Variants in PPP2R2B observed in about 807,000 individuals in gnomAD.
PPP2R2B encodes protein phosphatase 2 regulatory subunit Bbeta.
In PPP2R2B, 5 loss-of-function variants were observed where a neutral mutation model predicts 46.0. The observed-to-expected ratio is 0.11, with a 90% CI of 0.06 to 0.23. The LOEUF is 0.23. Among genes scored for constraint, PPP2R2B ranks in the 10% least tolerant of loss-of-function variants. The pLI is 1.00. For missense variants in PPP2R2B, 367 were observed against 575.0 expected, an observed-to-expected ratio of 0.64 and a Z score of 3.70; for synonymous variants, 215 against 206.7, an observed-to-expected ratio of 1.04 and a Z score of -0.34.
At chr5:146,930,956 C>T (rs1427220374) in intron 1 of PPP2R2B, among the ~76,000 whole-genome samples, 2 of 152,104 alleles carry the variant, frequency 1.3e-5, no homozygotes, top group African/African-American at 4.8e-5. Context: ...TAATTGCTCA[C>T]CATATTATAA....
intron 1 of PPP2R2B, among the ~76,000 whole-genome samples, chr5:146,896,413 A>T (rs1462613235): frequency 6.6e-6 from 1 of 152,018 alleles, no homozygotes; most frequent in African/African-American, 2.4e-5. Context: ...CTGTTACTTG[A>T]CTCTACTCAA....
chr5:147,074,825 G>T (rs1218487348), intron 2 of PPP2R2B, among the ~76,000 whole-genome samples: 1 of 152,140 alleles, frequency 6.6e-6, no homozygotes, highest in African/African-American at 2.4e-5. Context: ...TCATTAGAAA[G>T]CAGAATCGAT....
chr5:146,799,635 T>C lies in PPP2R2B; in HGVS notation c.70+78367A>G, dbSNP rs540471795. ...AAAAGAGATTCAGCAAGACTGGGAA[T>C]GAAGCATGAATCACAGATAGAGGAG... On this transcript the variant is annotated intron_variant, in intron 2 of 9. Coordinates refer to ENST00000394411, the MANE Select transcript of PPP2R2B (RefSeq NM_181675.4). Among the ~76,000 whole-genome samples the C allele has an allele frequency of 2.0e-4, 31 of 152,288 alleles. 1 individual carries two copies. Among genetic ancestry groups the C allele is most frequent in the African/African-American group, 7.5e-4 (31 of 41,558 alleles).
chr5:147,078,313 A>G (rs1757855206), intron 2 of PPP2R2B, among the ~76,000 whole-genome samples: 1 of 152,176 alleles, frequency 6.6e-6, no homozygotes, highest in Non-Finnish European at 1.5e-5. Context: ...TAAACCTGCA[A>G]CTGGTAAGAC....
At chr5:146,634,367 C>A (rs1774653045) in intron 7 of PPP2R2B, among the ~76,000 whole-genome samples, 2 of 151,998 alleles carry the variant, frequency 1.3e-5, no homozygotes, top group African/African-American at 2.4e-5. Flanking sequence ...TAGAGTCTTG[C>A]TCTGTCGCCA....
chr5:146,603,703 G>A (rs73317463), intron 7 of PPP2R2B, among the ~76,000 whole-genome samples: 9,007 of 152,118 alleles, frequency 0.059, 814 homozygotes, highest in African/African-American at 0.2. Context: ...ACTTTTGATG[G>A]GAAGCTTATA....
chr5:146,895,791 G>A (rs1762626498), intron 1 of PPP2R2B, among the ~76,000 whole-genome samples: 1 of 151,944 alleles, frequency 6.6e-6, no homozygotes, highest in African/African-American at 2.4e-5. Flanking sequence ...CCTAGCTCCT[G>A]GACTCCACCT....
intron 5 of PPP2R2B, among the ~76,000 whole-genome samples, chr5:146,678,041 T>C (rs1370996313): frequency 1.3e-5 from 2 of 152,188 alleles, no homozygotes; most frequent in Non-Finnish European, 2.9e-5. Flanking sequence ...AAGAAGTCTC[T>C]AAAGTAGGAT....
intron 7 of PPP2R2B, among the ~76,000 whole-genome samples, chr5:146,625,644 G>C (rs1774005487): frequency 6.6e-6 from 1 of 152,128 alleles, no homozygotes; most frequent in Admixed American, 6.5e-5. Context: ...AGTCTTCCTG[G>C]AGGAATGTGC....
At position 146,590,107 on chromosome 5, in the gene PPP2R2B, C is replaced by T. The variant is rs779246443; in HGVS notation, c.1172G>A (p.Arg391Gln). Reference sequence around the variant, plus strand: ...CCGCTTGCCCCCCACACACACTTTTCGGGGTTTGAGGATAGCCCGGGGCTT... The same window carrying T: ...CCGCTTGCCCCCCACACACACTTTTTGGGGTTTGAGGATAGCCCGGGGCTT... ...NSKPRAILKP[R>Q]KVCVGGKRRK... The change falls in exon 10 of 10, where the codon CGA (arginine) becomes CAA (glutamine). Residue 391 changes from arginine to glutamine, a missense_variant. By Grantham distance (43) the Arg-to-Gln change is conservative (BLOSUM62 1). Transcript: ENST00000394411. 3.1e-6 allele frequency: 5 copies of T among 1,614,086 alleles called. No homozygotes were observed. The highest frequency in any genetic ancestry group is 4.2e-6 in the Non-Finnish European group (5 of 1,180,034).
chr5:146,628,660 T>C (rs2151067173), intron 7 of PPP2R2B, among the ~76,000 whole-genome samples: 1 of 152,332 alleles, frequency 6.6e-6, no homozygotes, highest in East Asian at 1.9e-4. Flanking sequence ...ATTAAGATGC[T>C]ACTGCAGAAC....
chr5:147,040,871 A>T, intron 1 of PPP2R2B: 1 of 421,554 alleles, frequency 2.4e-6, no homozygotes, highest in Non-Finnish European at 4.6e-6. Flanking sequence ...AGCCATTTAA[A>T]AATACCTTGA....
At position 146,954,689 on chromosome 5, in the gene PPP2R2B, G is replaced by A. The variant is rs183511045; in HGVS notation, c.79+100976C>T. 4.1e-3 allele frequency among the ~76,000 whole-genome samples: 615 copies of A among 151,782 alleles called. 1 individual carries two copies. Among genetic ancestry groups the A allele is most frequent in the Middle Eastern group, 0.01 (3 of 294 alleles). ...AATTAAAAGAAATGAAAAGAGAGCCGAGATCTTTAGAGAAACACACGCACC... is the reference window on the plus strand; with the variant it reads ...AATTAAAAGAAATGAAAAGAGAGCCAAGATCTTTAGAGAAACACACGCACC... On this transcript the variant is annotated intron_variant, in intron 1 of 8. Coordinates refer to the PPP2R2B transcript ENST00000336640.
At chr5:146,702,765 G>A (rs1779615919) in intron 2 of PPP2R2B, among the ~76,000 whole-genome samples, 1 of 152,212 alleles carries the variant, frequency 6.6e-6, no homozygotes, top group African/African-American at 2.4e-5. Flanking sequence ...GACTTCTAAT[G>A]TACAGAGTCT....
intron 1 of PPP2R2B, among the ~76,000 whole-genome samples, chr5:147,000,055 C>T (rs995998595): frequency 1.3e-5 from 2 of 152,120 alleles, no homozygotes; most frequent in Non-Finnish European, 2.9e-5. Flanking sequence ...ATTTAGACAC[C>T]AAGGCTGTGA....
intron 2 of PPP2R2B, among the ~76,000 whole-genome samples, chr5:146,780,756 G>A (rs1755460584): frequency 6.6e-6 from 1 of 152,088 alleles, no homozygotes; most frequent in African/African-American, 2.4e-5. Context: ...TAGTCCATGA[G>A]TCCATGACAA....
At chr5:146,919,058 A>C (rs319162) in intron 1 of PPP2R2B, among the ~76,000 whole-genome samples, 32,614 of 152,130 alleles carry the variant, frequency 0.21, 4,687 homozygotes, top group African/African-American at 0.4. Flanking sequence ...TATATATGAA[A>C]GTTCCCATTT....
At chr5:147,070,264 A>G (rs1757547374) in intron 2 of PPP2R2B, among the ~76,000 whole-genome samples, 1 of 152,302 alleles carries the variant, frequency 6.6e-6, no homozygotes, top group African/African-American at 2.4e-5. Context: ...ATATTTACTG[A>G]ATAAATGGAT....
rs1373455325 is a variant in PPP2R2B, at chr5:146,587,033, A to T, written c.*2914T>A. On this transcript the variant is annotated 3_prime_UTR_variant, in exon 10 of 10. Transcript: ENST00000394411. The stretch of plus-strand genomic sequence containing the variant: ...ACTGACACCCTCCAGTTGTAATCTG[A>T]TGGCTCTTACCAAGCAGCAGGCCTT... 6.6e-6 allele frequency: 1 copy of T among 152,088 alleles called. No individual in the cohort carries two copies. 9.4% of individuals were successfully genotyped at this position (152,088 alleles called of 1,614,324 possible). A position where few individuals can be genotyped will look rare whatever the true frequency, so the allele number is the denominator to read the frequency against.
Sources: gnomAD v4.1 joint callset for allele counts (sites outside exome capture counted in the v4.1 genomes callset) on GRCh38, gnomAD v4.1.1 for gene constraint, MANE v1.5 for transcripts, NCBI Gene and HGNC (gene_info 2026-07-23, HGNC 2026-07-21) for gene names.